HTRA1: variants seen among roughly 807,000 people sequenced by gnomAD.
HTRA1 encodes the protein HtrA serine peptidase 1.
In HTRA1, 26 loss-of-function variants were observed where a neutral mutation model predicts 49.7. That is an observed-to-expected ratio of 0.52 (90% CI 0.38 to 0.73). The LOEUF (loss-of-function observed/expected upper bound fraction) is 0.73. Among genes scored for constraint, HTRA1 ranks in the 30% least tolerant of loss-of-function variants. The pLI is 0.00. For missense variants in HTRA1, 561 were observed against 667.2 expected (o/e 0.84, Z 1.75); for synonymous variants, 291 against 286.9 (o/e 1.01, Z -0.14).
intron 3 of HTRA1, among the ~76,000 whole-genome samples, chr10:122,489,861 A>G (rs1330915042): frequency 2.0e-5 from 3 of 152,194 alleles, no homozygotes; most frequent in Non-Finnish European, 4.4e-5. Flanking sequence ...AATGTTTTAA[A>G]TGTTTGTCAA....
At chr10:122,462,200 C>A (rs1045089187) in intron 1 of HTRA1, 76 bp downstream of exon 1, 28 of 1,259,278 alleles carry the variant, frequency 2.2e-5, no homozygotes, top group Non-Finnish European at 2.7e-5. Flanking sequence ...GACTGGTGGG[C>A]AGGTTGAGGG....
chr10:122,509,376 A>G (rs2097504573), intron 6 of HTRA1, among the ~76,000 whole-genome samples: 1 of 152,230 alleles, frequency 6.6e-6, no homozygotes, highest in African/African-American at 2.4e-5. Context: ...TGGTGTGGCC[A>G]GGAAATGCCT....
intron 5 of HTRA1, 45 bp from the exon 6 acceptor site, chr10:122,508,611 G>A: frequency 8.0e-7 from 1 of 1,256,686 alleles, no homozygotes; most frequent in Non-Finnish European, 1.2e-6. Context: ...GTACCTGCCG[G>A]TAAAGCTTCA....
In HTRA1 at chr10:122,514,273, A is replaced by C; in HGVS notation, c.1357A>C (p.Lys453Gln). The C allele has an allele frequency of 6.2e-7, 1 of 1,614,056 alleles. No individual in the cohort carries two copies. Among genetic ancestry groups the C allele is most frequent in the Non-Finnish European group, 8.5e-7 (1 of 1,179,914 alleles). ...CGCCAATGATGTCAGCGACGTCATTAAAAGGGAAAGCACCCTGAACATGGT... is the reference window on the plus strand; with the variant it reads ...CGCCAATGATGTCAGCGACGTCATTCAAAGGGAAAGCACCCTGAACATGGT... ...VSANDVSDVIKRESTLNMVVR... is the reference protein window; with the variant it reads ...VSANDVSDVIQRESTLNMVVR... Residue 453 changes from lysine to glutamine, a missense_variant, in exon 9 of 9, where the codon AAA becomes CAA. By Grantham distance (53) the Lys-to-Gln change is moderately conservative (BLOSUM62 1). This residue lies in a region of HTRA1 where 179 missense variants were observed against 173.4 expected (regional missense o/e 1.03). Transcript: ENST00000368984.
intron 3 of HTRA1, among the ~76,000 whole-genome samples, chr10:122,502,015 C>T (rs1190783401): frequency 9.3e-6 from 1 of 107,056 alleles, no homozygotes; most frequent in East Asian, 3.1e-4. Flanking sequence ...GTTGAAAACA[C>T]CCTAATTGAT....
At position 122,510,163 on chromosome 10, in the gene HTRA1, C is replaced by T; in HGVS notation, c.1178+10C>T. ...TGTCACTCACGTCCAGGTGGGTAAA[C>T]AGGATGCGTGTCTGTGTCTTAAATT... On this transcript the variant is annotated intron_variant, in intron 7 of 8. Coordinates refer to ENST00000368984, the MANE Select transcript of HTRA1 (RefSeq NM_002775.5). 1.9e-6 allele frequency: 3 copies of T among 1,610,166 alleles called. No homozygotes were observed. Among genetic ancestry groups the T allele is most frequent in the Non-Finnish European group, 2.6e-6 (3 of 1,176,382 alleles).
chr10:122,508,916 C>G (rs768192033), intron 6 of HTRA1, 146 bp downstream of exon 6: 1 of 648,020 alleles, frequency 1.5e-6, no homozygotes, highest in Non-Finnish European at 2.8e-6. Flanking sequence ...ATGCACATTA[C>G]TAAATCCCTC....
chr10:122,497,868 G>A lies in HTRA1; in HGVS notation c.777+8242G>A, dbSNP rs542904365. ...CACTCTGAAGTTGGTGGATGAAAGGGGATGCATCAAAGGCGCTGATGTATG... is the reference window on the plus strand; with the variant it reads ...CACTCTGAAGTTGGTGGATGAAAGGAGATGCATCAAAGGCGCTGATGTATG... On this transcript the variant is annotated intron_variant, in intron 3 of 8. Coordinates refer to ENST00000368984, the MANE Select transcript of HTRA1 (RefSeq NM_002775.5). Among the ~76,000 whole-genome samples, 51 of 152,302 alleles carry A rather than the reference G, an allele frequency of 3.3e-4. 3 individuals are homozygous for A. Among genetic ancestry groups the A allele is most frequent in the Admixed American group, 3.1e-3 (48 of 15,300 alleles).
intron 3 of HTRA1, among the ~76,000 whole-genome samples, chr10:122,504,492 A>C (rs1265195506): frequency 6.6e-6 from 1 of 152,046 alleles, no homozygotes; most frequent in Non-Finnish European, 1.5e-5. Flanking sequence ...TCCTGAGTTG[A>C]GTTTGACCTC....
At chr10:122,489,153 C>T in intron 2 of HTRA1, 152 bp downstream of exon 2, 1 of 738,670 alleles carries the variant, frequency 1.4e-6, no homozygotes, top group Non-Finnish European at 2.4e-6. Context: ...AACATTTTCC[C>T]TATTCGACTA....
intron 1 of HTRA1, among the ~76,000 whole-genome samples, chr10:122,478,424 A>C (rs1419004534): frequency 1.3e-4 from 15 of 117,368 alleles, no homozygotes; most frequent in African/African-American, 4.7e-4. Context: ...ACGGACTCTC[A>C]CTCTGTTGCC....
rs1307434345 is a variant in HTRA1 at position 122,490,891 on chromosome 10, C to G, written c.777+1265C>G. 1.3e-5 allele frequency among the ~76,000 whole-genome samples: 2 copies of G among 152,162 alleles called. No homozygotes were observed. Among genetic ancestry groups the G allele is most frequent in the African/African-American group, 2.4e-5 (1 of 41,432 alleles). On this transcript the variant is annotated intron_variant, in intron 3 of 8. Transcript: ENST00000368984. This position sits in a 1 kb window ranked among gnomAD's most constrained non-coding sequence, Gnocchi z 4.2. Reference sequence around the variant, plus strand: ...CGGCCAGTCTTCAGAAAACCACCAGCTAACACATTTACTACCCTCCTTCCC... The same window carrying G: ...CGGCCAGTCTTCAGAAAACCACCAGGTAACACATTTACTACCCTCCTTCCC...
chr10:122,510,728 A>T (rs147421550), intron 7 of HTRA1, among the ~76,000 whole-genome samples: 1 of 152,202 alleles, frequency 6.6e-6, no homozygotes, highest in African/African-American at 2.4e-5. Context: ...GTGTAATCTC[A>T]TGAGTCCTGG....
intron 1 of HTRA1, among the ~76,000 whole-genome samples, chr10:122,477,029 G>A (rs999323618): frequency 6.1e-5 from 9 of 146,426 alleles, no homozygotes; most frequent in African/African-American, 1.5e-4. Flanking sequence ...GTGCACTGGC[G>A]CAATCTTGGC....
At chr10:122,492,599 G>A (rs936735564) in intron 3 of HTRA1, among the ~76,000 whole-genome samples, 2 of 152,190 alleles carry the variant, frequency 1.3e-5, no homozygotes, top group Non-Finnish European at 2.9e-5. Flanking sequence ...CTCCCAAAGT[G>A]CTGGGATTAC....
intron 1 of HTRA1, among the ~76,000 whole-genome samples, chr10:122,462,718 G>A (rs920322973): frequency 2.0e-5 from 3 of 152,214 alleles, no homozygotes; most frequent in Non-Finnish European, 4.4e-5. Context: ...CTCTCGTTTC[G>A]GCGGCGTTGC....
In HTRA1 at chr10:122,461,582, T is replaced by G. The variant is rs868033160; in HGVS notation, c.-71T>G. ...GCACCCGCTGCCCCCGAGGCCCTCC[T>G]GCACTCTCCCCGGCGCCGCTCTCCG... On this transcript the variant is annotated 5_prime_UTR_variant, in exon 1 of 9. Coordinates refer to ENST00000368984, the MANE Select transcript of HTRA1 (RefSeq NM_002775.5). 6 of 997,884 alleles carry G rather than the reference T, an allele frequency of 6.0e-6. No homozygotes were observed. Among genetic ancestry groups the G allele is most frequent in the Non-Finnish European group, 6.7e-6 (5 of 745,070 alleles). The allele number at this position is 997,884 out of a possible 1,614,324, so 61.8% of individuals were successfully genotyped here. A position where few individuals can be genotyped will look rare whatever the true frequency, so the allele number is the denominator to read the frequency against.
intron 1 of HTRA1, among the ~76,000 whole-genome samples, chr10:122,480,344 C>A (rs564957702): frequency 1.3e-5 from 2 of 151,606 alleles, no homozygotes; most frequent in African/African-American, 4.8e-5. Flanking sequence ...TCAGGGCGGG[C>A]GAGGGCAGGA....
intron 1 of HTRA1, among the ~76,000 whole-genome samples, chr10:122,480,924 A>G (rs2097490714): frequency 6.6e-6 from 1 of 152,150 alleles, no homozygotes; most frequent in African/African-American, 2.4e-5. Flanking sequence ...AATACTGCAA[A>G]CATCACAAAA....
Sources: allele counts gnomAD v4.1 joint callset (sites outside exome capture counted in the v4.1 genomes callset), GRCh38; gene constraint gnomAD v4.1.1; regional missense constraint gnomAD v4.1.1; non-coding constraint Gnocchi (gnomAD v3.1); transcripts MANE v1.5; gene names NCBI Gene and HGNC (gene_info 2026-07-23, HGNC 2026-07-21).